MBD2: variants seen among roughly 807,000 people sequenced by gnomAD.
The protein encoded by MBD2 is methyl-CpG binding domain protein 2.
Under a neutral mutation model 39.3 loss-of-function variants are expected in MBD2, and 9 were observed. That is an observed-to-expected ratio of 0.23 (90% CI 0.14 to 0.40). MBD2 has a LOEUF of 0.40. Ranked by LOEUF, MBD2 falls within the 10% of genes least tolerant of loss-of-function variation. MBD2 has a pLI of 1.00. For synonymous variants in MBD2, 233 were observed against 211.1 expected (o/e 1.10, Z -0.90); for missense variants, 458 against 532.6 (o/e 0.86, Z 1.38).
chr18:54,175,073 A>G (rs498705), intron 3 of MBD2, among the ~76,000 whole-genome samples: 129,020 of 152,262 alleles, frequency 0.85, 55,142 homozygotes, highest in East Asian at 1. Flanking sequence ...TGAGCCACAC[A>G]AAAACCTAAA....
At chr18:54,180,903 C>CTTTTTTTTTTTTTTTTTT (rs1189903798) in intron 3 of MBD2, among the ~76,000 whole-genome samples, 3 of 49,880 alleles carry the variant, frequency 6.0e-5, no homozygotes, top group Non-Finnish European at 1.0e-4. Flanking sequence ...TTTTCTTTTT[C>CTTTTTTTTTTTTTTTTTT]TTTTTTTTTT....
At chr18:54,212,508 A>G (rs2086516607) in intron 1 of MBD2, among the ~76,000 whole-genome samples, 1 of 152,214 alleles carries the variant, frequency 6.6e-6, no homozygotes, top group Non-Finnish European at 1.5e-5. Flanking sequence ...ATTTCCTTCA[A>G]ATAATGAAGG....
At position 54,224,150 on chromosome 18, in the gene MBD2, C is replaced by A. The variant is rs975099657; in HGVS notation, c.410G>T (p.Gly137Val). ...CTCCGTGGCCCGGGGTCCCCTGGGC[C>A]CCGGCCCCGCGCTCCCCGACGGGAA... is the stretch of plus-strand genomic sequence containing the variant. ...VPFPSGSAGP[G>V]PRGPRATESG... The change falls in exon 1 of 7, where the codon GGG becomes GTG. Residue 137 changes from glycine to valine, a missense_variant. Physicochemically the swap from Gly to Val is moderately radical, Grantham distance 109. Transcript: ENST00000256429. 37 of 1,485,478 alleles carry A rather than the reference C, an allele frequency of 2.5e-5. No homozygotes were observed. The highest frequency in any genetic ancestry group is 3.1e-5 in the Non-Finnish European group (35 of 1,119,444). The allele number at this position is 1,485,478 out of a possible 1,614,324, so 92.0% of individuals were successfully genotyped here. A position where few individuals can be genotyped will look rare whatever the true frequency, so the allele number is the denominator to read the frequency against.
At position 54,164,281 on chromosome 18, in the gene MBD2, C is replaced by T. The variant is rs117887169; in HGVS notation, c.1109+242G>A. On this transcript the variant is annotated intron_variant, in intron 5 of 6. Coordinates refer to ENST00000256429, the MANE Select transcript of MBD2 (RefSeq NM_003927.5). ...GAATATAACTGATCTGGTGTCTGTC[C>T]TTTGGACAGGACCATGACGATACCC... 1.1e-4 allele frequency among the ~76,000 whole-genome samples: 17 copies of T among 152,258 alleles called. No homozygotes were observed. The East Asian group carries it at 3.3e-3, about 29-fold the overall frequency.
chr18:54,161,720 A>G (rs183801241), intron 5 of MBD2, among the ~76,000 whole-genome samples: 1 of 152,360 alleles, frequency 6.6e-6, no homozygotes, highest in Admixed American at 6.5e-5. Context: ...TGCTGTAGGC[A>G]GAATTGTAAG....
At chr18:54,156,989 G>A (rs1254168308) in intron 6 of MBD2, among the ~76,000 whole-genome samples, 1 of 152,166 alleles carries the variant, frequency 6.6e-6, no homozygotes, top group Non-Finnish European at 1.5e-5. Flanking sequence ...AGGGCTTTCT[G>A]AGAGTCCATT....
chr18:54,165,797 G>A (rs2086127233), intron 4 of MBD2, among the ~76,000 whole-genome samples: 2 of 152,192 alleles, frequency 1.3e-5, no homozygotes, highest in Admixed American at 1.3e-4. Flanking sequence ...CAGCACATGG[G>A]TTAGCTTCTA....
At chr18:54,190,465 G>A (rs979334053) in intron 2 of MBD2, among the ~76,000 whole-genome samples, 4 of 152,164 alleles carry the variant, frequency 2.6e-5, no homozygotes, top group Non-Finnish European at 4.4e-5. Flanking sequence ...GTGGGGTCCC[G>A]CCTGGCACCC....
chr18:54,168,020 G>C (rs551883839), intron 3 of MBD2, among the ~76,000 whole-genome samples: 26 of 149,554 alleles, frequency 1.7e-4, no homozygotes, highest in African/African-American at 6.1e-4. Flanking sequence ...AATTAGTGAG[G>C]ATAAGATTAG....
At position 54,152,633 on chromosome 18, in the gene MBD2, A is replaced by C. The variant is rs1298588995; in HGVS notation, c.*2691T>G. 1 of 152,252 alleles carries C rather than the reference A, an allele frequency of 6.6e-6. No individual in the cohort carries two copies. Among genetic ancestry groups the C allele is most frequent in the African/African-American group, 2.4e-5 (1 of 41,474 alleles). 9.4% of individuals were successfully genotyped at this position (152,252 alleles called of 1,614,324 possible). On this transcript the variant is annotated 3_prime_UTR_variant, in exon 7 of 7. Coordinates refer to ENST00000256429, the MANE Select transcript of MBD2 (RefSeq NM_003927.5). ...CAAAAGAAATAGGGTGCTGAGGCAG[A>C]AAATAGTGTCACAGGGATAGGCGGT...
At chr18:54,207,397 G>A (rs1407604846) in intron 1 of MBD2, among the ~76,000 whole-genome samples, 6 of 152,122 alleles carry the variant, frequency 3.9e-5, no homozygotes, top group South Asian at 2.1e-4. Flanking sequence ...ACTACCACTC[G>A]AAATTCTATT....
chr18:54,204,536 CAT>C (rs962173077), intron 2 of MBD2, among the ~76,000 whole-genome samples: 40 of 152,274 alleles, frequency 2.6e-4, no homozygotes, highest in African/African-American at 9.1e-4. Context: ...AATATCCAAA[CAT>C]AGAATTAGGA....
intron 5 of MBD2, among the ~76,000 whole-genome samples, chr18:54,160,681 T>TC (rs1478614386): frequency 7.0e-6 from 1 of 143,570 alleles, no homozygotes; most frequent in Admixed American, 6.9e-5. Flanking sequence ...AGAAAGTAGA[T>TC]CCCCCAGATG....
At chr18:54,220,585 G>A (rs910037751) in intron 1 of MBD2, among the ~76,000 whole-genome samples, 13 of 152,148 alleles carry the variant, frequency 8.5e-5, no homozygotes, top group African/African-American at 3.1e-4. Flanking sequence ...CTAATTCAAG[G>A]GTTAGTATTA....
intron 3 of MBD2, among the ~76,000 whole-genome samples, chr18:54,182,538 G>A (rs1163114488): frequency 6.6e-6 from 1 of 152,130 alleles, no homozygotes; most frequent in African/African-American, 2.4e-5. Flanking sequence ...AGGCCAGAGA[G>A]GTAAGCAAAA....
chr18:54,189,359 G>C (rs924578371), intron 2 of MBD2, among the ~76,000 whole-genome samples: 2 of 151,848 alleles, frequency 1.3e-5, no homozygotes, highest in Non-Finnish European at 2.9e-5. Context: ...GAGTAGCTGG[G>C]ACTACAGGCG....
At chr18:54,195,674 T>C (rs527645131) in intron 2 of MBD2, among the ~76,000 whole-genome samples, 10 of 152,156 alleles carry the variant, frequency 6.6e-5, no homozygotes, top group Admixed American at 2.6e-4. Flanking sequence ...GTGCCTACTA[T>C]GTGGCAGGCA....
intron 1 of MBD2, among the ~76,000 whole-genome samples, chr18:54,221,120 C>T (rs1430628664): frequency 6.6e-6 from 1 of 152,176 alleles, no homozygotes; most frequent in African/African-American, 2.4e-5. Flanking sequence ...TAGTGGCTTA[C>T]GACTTGCCTT....
At chr18:54,177,534 G>T (rs547967411) in intron 3 of MBD2, among the ~76,000 whole-genome samples, 623 of 151,844 alleles carry the variant, frequency 4.1e-3, no homozygotes, top group South Asian at 0.016. Flanking sequence ...TGGCTGGAGT[G>T]CAGTGGCGCG....
Sources: allele counts gnomAD v4.1 joint callset (sites outside exome capture counted in the v4.1 genomes callset), GRCh38; gene constraint gnomAD v4.1.1; transcripts MANE v1.5; gene names NCBI Gene and HGNC (gene_info 2026-07-23, HGNC 2026-07-21).